Variants in OSBPL5 observed in about 807,000 individuals in gnomAD.
The protein encoded by OSBPL5 is oxysterol-binding protein-related protein 5.
A neutral mutation model predicts 111.2 loss-of-function variants in OSBPL5; 71 were observed. The observed-to-expected ratio is 0.64, with a 90% CI of 0.53 to 0.78. The LOEUF (loss-of-function observed/expected upper bound fraction) is 0.78. Among genes scored for constraint, OSBPL5 ranks in the 30% least tolerant of loss-of-function variants. OSBPL5 has a pLI of 0.00. For missense variants in OSBPL5, 1,210 were observed against 1,189.3 expected (o/e 1.02, Z -0.26); for synonymous variants, 549 against 513.9 (o/e 1.07, Z -0.93).
chr11:3,102,455 C>A (rs1857493208), intron 11 of OSBPL5, among the ~76,000 whole-genome samples, 174 bp from the exon 12 acceptor site: 2 of 152,200 alleles, frequency 1.3e-5, no homozygotes, highest in Admixed American at 6.5e-5. Flanking sequence ...GGGGACTATG[C>A]TTTGCCTGTG....
chr11:3,111,143 G>A (rs922626708), intron 7 of OSBPL5, among the ~76,000 whole-genome samples: 5 of 137,210 alleles, frequency 3.6e-5, no homozygotes, highest in South Asian at 2.5e-4. Context: ...ACCTCCCCCC[G>A]TGCCCCACCC....
rs1857661981 is a variant in OSBPL5 at position 3,105,502 on chromosome 11, C to T, written c.1060-1125G>A. 6.6e-6 allele frequency among the ~76,000 whole-genome samples: 1 copy of T among 152,140 alleles called. No homozygotes were observed. The highest frequency in any genetic ancestry group is 2.1e-4 in the South Asian group (1 of 4,830). On this transcript the variant is annotated intron_variant, in intron 9 of 21. Transcript: ENST00000263650. The surrounding 1 kb of genome is among the most constrained non-coding windows in gnomAD (Gnocchi z 5.2). The stretch of plus-strand genomic sequence containing the variant: ...GTAGCTTCGGCTGTCAGGAATCCTG[C>T]TCTGTCCATGTGCTCCCGTCCCGTC...
chr11:3,102,729 A>C (rs1857500783), intron 11 of OSBPL5, among the ~76,000 whole-genome samples: 2 of 152,136 alleles, frequency 1.3e-5, no homozygotes, highest in Non-Finnish European at 2.9e-5. Context: ...CGTGGTTTTC[A>C]AACTTGCTTC....
At chr11:3,163,285 T>C (rs1042639401) in intron 1 of OSBPL5, among the ~76,000 whole-genome samples, 10 of 152,180 alleles carry the variant, frequency 6.6e-5, no homozygotes, top group African/African-American at 2.4e-4. Context: ...ACACTGTGCC[T>C]GTATGTGTGC....
At chr11:3,160,035 C>T (rs894263551) in intron 1 of OSBPL5, among the ~76,000 whole-genome samples, 18 of 152,294 alleles carry the variant, frequency 1.2e-4, no homozygotes, top group Admixed American at 1.2e-3. Context: ...TAGGCCCAGC[C>T]CCCTCCCTGC....
intron 1 of OSBPL5, among the ~76,000 whole-genome samples, chr11:3,147,491 T>TGGGCACATAGCCCCGTGC (rs1846395488): frequency 6.6e-6 from 1 of 152,262 alleles, no homozygotes; most frequent in South Asian, 2.1e-4. Flanking sequence ...AGCCCTGCTA[T>TGGGCACATAGCCCCGTGC]GGGCACATAG....
chr11:3,143,736 G>A (rs76725158), intron 1 of OSBPL5, among the ~76,000 whole-genome samples: 6,509 of 152,312 alleles, frequency 0.043, 189 homozygotes, highest in African/African-American at 0.078. Context: ...TTTGGGGAAA[G>A]AGCATGGGCT....
rs933380992 is a variant in OSBPL5 at position 3,140,068 on chromosome 11, G to A, written c.-21-10899C>T. Among the ~76,000 whole-genome samples the A allele has an allele frequency of 3.9e-5, 6 of 152,240 alleles. No individual in the cohort carries two copies. The highest frequency in any genetic ancestry group is 2.6e-4 in the Admixed American group (4 of 15,292). Reference sequence around the variant, plus strand: ...CTCGGCTGTGCAGCCTGGGAGGGGGGTGTGCAGTGGTCCGCCAAGCAGCAC... The same window carrying A: ...CTCGGCTGTGCAGCCTGGGAGGGGGATGTGCAGTGGTCCGCCAAGCAGCAC... On this transcript the variant is annotated intron_variant, in intron 1 of 21. Coordinates refer to ENST00000263650, the MANE Select transcript of OSBPL5 (RefSeq NM_020896.4). The surrounding 1 kb of genome is among the most constrained non-coding windows in gnomAD (Gnocchi z 4.5).
chr11:3,151,420 T>C (rs79968040), intron 1 of OSBPL5, among the ~76,000 whole-genome samples: 19,402 of 152,164 alleles, frequency 0.13, 1,320 homozygotes, highest in East Asian at 0.18. Context: ...GCCACCAGCA[T>C]GAAGAAACTG....
intron 1 of OSBPL5, among the ~76,000 whole-genome samples, chr11:3,157,694 T>C (rs1189965228): frequency 1.3e-5 from 2 of 152,334 alleles, no homozygotes; most frequent in Non-Finnish European, 2.9e-5. Context: ...CTCGGCCGGC[T>C]GGGGACTGAG....
intron 1 of OSBPL5, 178 bp from the exon 2 acceptor site, chr11:3,129,347 C>T: frequency 2.0e-6 from 1 of 489,970 alleles, no homozygotes; most frequent in Non-Finnish European, 3.4e-6. Flanking sequence ...CAGCCCAGCT[C>T]AGGCGAATGG....
chr11:3,133,913 G>A (rs1845880274), intron 1 of OSBPL5, among the ~76,000 whole-genome samples: 1 of 152,158 alleles, frequency 6.6e-6, no homozygotes, highest in African/African-American at 2.4e-5. Context: ...CCCCTAAGGA[G>A]GCTCATTCTG....
At chr11:3,127,259 C>T (rs1858659674) in intron 2 of OSBPL5, among the ~76,000 whole-genome samples, 1 of 152,220 alleles carries the variant, frequency 6.6e-6, no homozygotes, top group Admixed American at 6.5e-5. Flanking sequence ...GGTTGACTGC[C>T]CCGGTCCCTG....
At position 3,107,970 on chromosome 11, in the gene OSBPL5, GCCCCAC is replaced by G. The variant is rs113370820; in HGVS notation, c.692-31_692-26del. 0.39 allele frequency: 627,583 copies of G among 1,591,442 alleles called. 129,279 individuals are homozygous for G. Among genetic ancestry groups the G allele is most frequent in the African/African-American group, 0.56 (41,858 of 74,478 alleles). On this transcript the variant is annotated intron_variant, in intron 7 of 21. Coordinates refer to ENST00000263650, the MANE Select transcript of OSBPL5 (RefSeq NM_020896.4). The surrounding 1 kb of genome is among the most constrained non-coding windows in gnomAD (Gnocchi z 6.1). ...CCTGCGGGGCACACGGGATGAGCAT[GCCCCAC>G]CCCCACCTCTGTATATCCCGCATCC... is the stretch of plus-strand genomic sequence containing the variant.
intron 5 of OSBPL5, among the ~76,000 whole-genome samples, chr11:3,120,848 G>A (rs990803973): frequency 1.3e-5 from 2 of 152,236 alleles, no homozygotes; most frequent in South Asian, 2.1e-4. Context: ...CCAAGCCACG[G>A]CAAGCGGTGC....
chr11:3,138,996 C>T (rs941637179), intron 1 of OSBPL5, among the ~76,000 whole-genome samples: 2 of 152,224 alleles, frequency 1.3e-5, no homozygotes, highest in African/African-American at 2.4e-5. Context: ...GGTCCGTCTC[C>T]GCCCTCCAGG....
chr11:3,116,777 C>T (rs1468035848), intron 7 of OSBPL5, among the ~76,000 whole-genome samples: 2 of 147,630 alleles, frequency 1.4e-5, no homozygotes, highest in Non-Finnish European at 3.0e-5. Flanking sequence ...ATTGCTTGAA[C>T]CCAGGAGGTG....
chr11:3,093,425 A>T, intron 17 of OSBPL5, 102 bp downstream of exon 17: 1 of 1,503,462 alleles, frequency 6.7e-7, no homozygotes, highest in Non-Finnish European at 8.9e-7. Context: ...CCTGCCAGGG[A>T]CATCCTGGGG....
chr11:3,131,546 T>TTCATCCATCCATCCATCCAC (rs1858836763), intron 1 of OSBPL5, among the ~76,000 whole-genome samples: 1 of 134,202 alleles, frequency 7.5e-6, no homozygotes, highest in Non-Finnish European at 1.6e-5. Flanking sequence ...CATCCATCCA[T>TTCATCCATCCATCCATCCAC]CCACCCACCC....
Sources: allele counts gnomAD v4.1 joint callset (sites outside exome capture counted in the v4.1 genomes callset), GRCh38; gene constraint gnomAD v4.1.1; non-coding constraint Gnocchi (gnomAD v3.1); transcripts MANE v1.5; gene names NCBI Gene and HGNC (gene_info 2026-07-23, HGNC 2026-07-21).